PPP1R15A: variants seen among roughly 807,000 people sequenced by gnomAD.
PPP1R15A encodes protein phosphatase 1 regulatory subunit 15A.
PPP1R15A carries 43 observed loss-of-function variants against 48.5 expected under a neutral mutation model. That is an observed-to-expected ratio of 0.89 (90% CI 0.69 to 1.14). The LOEUF is 1.14. Ranked by LOEUF, PPP1R15A falls within the 50% of genes most tolerant of loss-of-function variation. The pLI is 0.00. For synonymous variants in PPP1R15A, 327 were observed against 327.4 expected, an observed-to-expected ratio of 1.00 and a Z score of 0.01; for missense variants, 868 against 847.2, an observed-to-expected ratio of 1.02 and a Z score of -0.30.
Position 48,875,738 on chromosome 19 carries a change from C to T in PPP1R15A, c.1790C>T (p.Thr597Ile), listed in dbSNP as rs1457838135. ...RDRSRFARRI[T>I]QAQEELSPCL... ...CGCAGCCGCTTCGCACGCCGCATCA[C>T]CCAGGCCCAGGAGGAGCTGAGCCCC... Residue 597 changes from threonine (T) to isoleucine (I), a missense_variant, in exon 3 of 3, where the codon ACC becomes ATC. Coordinates refer to ENST00000200453, the MANE Select transcript of PPP1R15A (RefSeq NM_014330.5). 6.2e-7 allele frequency: 1 copy of T among 1,613,398 alleles called. No individual in the cohort carries two copies. The highest frequency in any genetic ancestry group is 8.5e-7 in the Non-Finnish European group (1 of 1,179,542).
In PPP1R15A at chr19:48,873,802, TGGA is replaced by T; in HGVS notation, c.579_581del (p.Glu193del). ...TCACACCGGGAGTGTTGTCCAGCCG[TGGA>T]GGAGGAGGACGATGAAGAAGCTGTA... On this transcript the variant is annotated inframe_deletion, in exon 2 of 3. Coordinates refer to ENST00000200453, the MANE Select transcript of PPP1R15A (RefSeq NM_014330.5). 6.2e-7 allele frequency: 1 copy of T among 1,613,708 alleles called. No homozygotes were observed. The highest frequency in any genetic ancestry group is 8.5e-7 in the Non-Finnish European group (1 of 1,179,922).
intron 2 of PPP1R15A, 83 bp from the exon 3 acceptor site, chr19:48,875,531 C>G (rs1181669344): frequency 8.1e-7 from 1 of 1,232,990 alleles, no homozygotes; most frequent in Non-Finnish European, 1.1e-6. Flanking sequence ...TTGTTTGCTT[C>G]TCTCTCTCTC....
Position 48,875,735 on chromosome 19 carries a change from T to C in PPP1R15A, c.1787T>C (p.Ile596Thr). 1.2e-6 allele frequency: 2 copies of C among 1,613,278 alleles called. No individual in the cohort carries two copies. The highest frequency in any genetic ancestry group is 8.5e-7 in the Non-Finnish European group (1 of 1,179,542). ...ARDRSRFARRITQAQEELSPC... is the reference protein window; with the variant it reads ...ARDRSRFARRTTQAQEELSPC... ...GATCGCAGCCGCTTCGCACGCCGCATCACCCAGGCCCAGGAGGAGCTGAGC... is the reference window on the plus strand; with the variant it reads ...GATCGCAGCCGCTTCGCACGCCGCACCACCCAGGCCCAGGAGGAGCTGAGC... The change falls in exon 3 of 3, where the codon ATC (isoleucine) becomes ACC (threonine). Residue 596 changes from isoleucine to threonine, a missense_variant. Transcript: ENST00000200453.
Position 48,875,775 on chromosome 19 carries a change from T to G in PPP1R15A, c.1827T>G (p.Pro609=), listed in dbSNP as rs2037076235. The G allele has an allele frequency of 1.2e-6, 2 of 1,613,830 alleles. No individual in the cohort carries two copies. The highest frequency in any genetic ancestry group is 2.7e-5 in the African/African-American group (2 of 75,046). Residue 609 remains proline, a synonymous_variant, in exon 3 of 3, where the codon CCT becomes CCG. Coordinates refer to ENST00000200453, the MANE Select transcript of PPP1R15A (RefSeq NM_014330.5). ...AGGAGCTGAGCCCCTGCCTCACCCC[T>G]GCTGCCCGGGCCAGAGCCTGGGCAC... is the stretch of plus-strand genomic sequence containing the variant. ...AQEELSPCLT[P]AARARAWARL... is the part of the protein sequence containing the mutation.
In PPP1R15A at chr19:48,874,050, G is replaced by A; in HGVS notation, c.817G>A (p.Glu273Lys). The stretch of plus-strand genomic sequence containing the variant: ...AGGAGAGGCGTCCGAGGAGAAGGAG[G>A]AAAAGGCACACAAAGAAACTGGGAA... ...RSGEASEEKE[E>K]KAHKETGKGE... is the part of the protein sequence containing the mutation. The change falls in exon 2 of 3, where the codon GAA becomes AAA. Residue 273 changes from glutamate (E) to lysine (K), a missense_variant. Glu to Lys is a moderately conservative substitution (Grantham distance 56). Transcript: ENST00000200453. 1 of 1,614,212 alleles carries A rather than the reference G, an allele frequency of 6.2e-7. No homozygotes were observed. The highest frequency in any genetic ancestry group is 8.5e-7 in the Non-Finnish European group (1 of 1,180,032).
Position 48,874,509 on chromosome 19 carries a change from A to G in PPP1R15A, c.1276A>G (p.Ser426Gly). The change falls in exon 2 of 3, where the codon AGT (serine) becomes GGT (glycine). Residue 426 changes from serine to glycine, a missense_variant. Coordinates refer to ENST00000200453, the MANE Select transcript of PPP1R15A (RefSeq NM_014330.5). ...GACTTCTGCTTCCACACCCCCTGCAAGTGCTTTCTTGAAGGCCTGGGTGTA... is the reference window on the plus strand; with the variant it reads ...GACTTCTGCTTCCACACCCCCTGCAGGTGCTTTCTTGAAGGCCTGGGTGTA... ...AETSASTPPA[S>G]AFLKAWVYRP... 1.2e-6 allele frequency: 2 copies of G among 1,613,582 alleles called. No individual in the cohort carries two copies. The highest frequency in any genetic ancestry group is 1.7e-6 in the Non-Finnish European group (2 of 1,179,832).
rs2037056410 is a variant in PPP1R15A, at chr19:48,874,629, T to C, written c.1396T>C (p.Ser466Pro). The C allele has an allele frequency of 6.2e-7, 1 of 1,613,576 alleles. No homozygotes were observed. The highest frequency in any genetic ancestry group is 8.5e-7 in the Non-Finnish European group (1 of 1,179,796). The change falls in exon 2 of 3, where the codon TCA becomes CCA. Residue 466 changes from serine (S) to proline (P), a missense_variant. Physicochemically the swap from Ser to Pro is moderately conservative, Grantham distance 74. Transcript: ENST00000200453. ...AGAAGCAGCCTTGGGAGAAGCTGAG[T>C]CAGACCCACATCCCTCCCACCCGGA... ...DSEAALGEAE[S>P]DPHPSHPDQR...
Position 48,872,749 on chromosome 19 carries a change from A to C in PPP1R15A, c.-10+98A>C, listed in dbSNP as rs56697799. 1,993 of 289,968 alleles carry C rather than the reference A, an allele frequency of 6.9e-3. 32 individuals are homozygous for C. The highest frequency in any genetic ancestry group is 0.041 in the African/African-American group (1,859 of 45,190). 18.0% of individuals were successfully genotyped at this position (289,968 alleles called of 1,614,324 possible). A position where few individuals can be genotyped will look rare whatever the true frequency, so the allele number is the denominator to read the frequency against. On this transcript the variant is annotated intron_variant, in intron 1 of 2. Transcript: ENST00000200453. ...GAGCCTGGAGTCCTGAGCCTGAGGG[A>C]GGAGGGATCTGGAAGCCAGATTCTT...
rs147687948 is a variant in PPP1R15A, at chr19:48,874,492, C to A, written c.1259C>A (p.Ala420Asp). 1.5e-5 allele frequency: 24 copies of A among 1,613,732 alleles called. No individual in the cohort carries two copies. The South Asian group carries it at 2.4e-4, about 16-fold the overall frequency. ...GATGAAAGAGAAGCTGAGACTTCTGCTTCCACACCCCCTGCAAGTGCTTTC... is the reference window on the plus strand; with the variant it reads ...GATGAAAGAGAAGCTGAGACTTCTGATTCCACACCCCCTGCAAGTGCTTTC... ...AEDEREAETS[A>D]STPPASAFLK... is the part of the protein sequence containing the mutation. The change falls in exon 2 of 3, where the codon GCT becomes GAT. Residue 420 changes from alanine to aspartate, a missense_variant. Coordinates refer to ENST00000200453, the MANE Select transcript of PPP1R15A (RefSeq NM_014330.5).
At chr19:48,875,260 A>ACG in intron 2 of PPP1R15A, 1 of 330,776 alleles carries the variant, frequency 3.0e-6, no homozygotes, top group Non-Finnish European at 5.5e-6. Flanking sequence ...TCTTAGAAAG[A>ACG]AAGGGGGCTG....
At chr19:48,873,159 T>C (rs1408715956) in intron 1 of PPP1R15A, 66 bp from the exon 2 acceptor site, 2 of 1,419,974 alleles carry the variant, frequency 1.4e-6, no homozygotes, top group Non-Finnish European at 1.8e-6. Flanking sequence ...CTATGACTCA[T>C]AGTCACGCCC....
intron 1 of PPP1R15A, among the ~76,000 whole-genome samples, chr19:48,872,875 G>A (rs1340964644): frequency 6.6e-6 from 1 of 152,178 alleles, no homozygotes; most frequent in South Asian, 2.1e-4. Context: ...TCAATCTTCA[G>A]CAGAATGAGA....
In PPP1R15A at chr19:48,874,086, GC is replaced by G; in HGVS notation, c.857del (p.Pro286GlnfsTer54). 6.2e-7 allele frequency: 1 copy of G among 1,614,182 alleles called. No individual in the cohort carries two copies. Among genetic ancestry groups the G allele is most frequent in the Non-Finnish European group, 8.5e-7 (1 of 1,180,024 alleles). On this transcript the variant is annotated frameshift_variant, in exon 2 of 3. Coordinates refer to ENST00000200453, the MANE Select transcript of PPP1R15A (RefSeq NM_014330.5). LOFTEE classifies it high-confidence loss of function. ...AHKETGKGEA[A>X]PGPQSSAPAQ... The stretch of plus-strand genomic sequence containing the variant: ...CAAAGAAACTGGGAAAGGAGAAGCT[GC>G]CCCAGGGCCGCAATCCTCAGCCCCA...
rs752039069 is a variant in PPP1R15A, at chr19:48,874,040, G to A, written c.807G>A (p.Glu269=). 8.1e-6 allele frequency: 13 copies of A among 1,613,970 alleles called. No homozygotes were observed. In the Admixed American group the frequency reaches 2.2e-4, roughly 27 times the overall value. ...AGTATCGTTCAGGAGAGGCGTCCGA[G>A]GAGAAGGAGGAAAAGGCACACAAAG... ...SWEYRSGEAS[E]EKEEKAHKET... Residue 269 remains glutamate, a synonymous_variant, in exon 2 of 3, where the codon GAG becomes GAA. Transcript: ENST00000200453.
In PPP1R15A at chr19:48,874,318, GTGACTCTGGATCAGAT is replaced by G; in HGVS notation, c.1086_1101del (p.Ser362ArgfsTer20). 2 of 1,611,990 alleles carry G rather than the reference GTGACTCTGGATCAGAT, an allele frequency of 1.2e-6. No individual in the cohort carries two copies. Among genetic ancestry groups the G allele is most frequent in the South Asian group, 2.2e-5 (2 of 90,994 alleles). On this transcript the variant is annotated frameshift_variant, in exon 2 of 3. Transcript: ENST00000200453. LOFTEE classifies it high-confidence loss of function. The stretch of plus-strand genomic sequence containing the variant: ...GAAGATGAGGAAGAAGATGAGGACA[GTGACTCTGGATCAGAT>G]GAGGAAGAGGGAGAAGCTGAGGCTT...
Position 48,874,917 on chromosome 19 carries a change from G to A in PPP1R15A, c.1665+19G>A. On this transcript the variant is annotated intron_variant, in intron 2 of 2. Transcript: ENST00000200453. ...CAGAAAGGTAGGTGCTGAGAGCCCA[G>A]ATTCTATTTTTTTTTTTTTTTTAAT... 1.3e-6 allele frequency: 2 copies of A among 1,487,232 alleles called. No homozygotes were observed. Among genetic ancestry groups the A allele is most frequent in the African/African-American group, 2.8e-5 (2 of 70,878 alleles). The allele number at this position is 1,487,232 out of a possible 1,614,324, so 92.1% of individuals were successfully genotyped here.
At position 48,875,921 on chromosome 19, in the gene PPP1R15A, G is replaced by T; in HGVS notation, c.1973G>T (p.Arg658Leu). 1.2e-6 allele frequency: 2 copies of T among 1,611,792 alleles called. No homozygotes were observed. The highest frequency in any genetic ancestry group is 1.7e-6 in the Non-Finnish European group (2 of 1,178,212). ...AGCCAAGCTGTGGCCACACCTTCCC[G>T]CTCGTCTGCTGCTGCAGCGGCTGCC... ...PLSQAVATPS[R>L]SSAAAAAALD... Residue 658 changes from arginine (R) to leucine (L), a missense_variant, in exon 3 of 3, where the codon CGC (arginine) becomes CTC (leucine). By Grantham distance (102) the Arg-to-Leu change is moderately radical (BLOSUM62 -2). Transcript: ENST00000200453.
chr19:48,875,853 T>A lies in PPP1R15A; in HGVS notation c.1905T>A (p.Pro635=). The change falls in exon 3 of 3, where the codon CCT becomes CCA. Residue 635 remains proline (P), a synonymous_variant. Coordinates refer to ENST00000200453, the MANE Select transcript of PPP1R15A (RefSeq NM_014330.5). ...TCCCTGCCCTCACCCAGACCTTGCCTTCCTCCTCTGTCCCTTCGTCCCCAG... is the reference window on the plus strand; with the variant it reads ...TCCCTGCCCTCACCCAGACCTTGCCATCCTCCTCTGTCCCTTCGTCCCCAG... ...APIPALTQTL[P]SSSVPSSPVQ... 6.2e-7 allele frequency: 1 copy of A among 1,614,094 alleles called. No homozygotes were observed. The highest frequency in any genetic ancestry group is 8.5e-7 in the Non-Finnish European group (1 of 1,179,962).
Position 48,875,609 on chromosome 19 carries a change from C to A in PPP1R15A, c.1666-5C>A. The A allele has an allele frequency of 1.3e-6, 2 of 1,584,330 alleles. No individual in the cohort carries two copies. The highest frequency in any genetic ancestry group is 1.7e-6 in the Non-Finnish European group (2 of 1,163,852). ...TCCTGCCTGTGTCCCCATGTCTGCC[C>A]GCAGGTGCGCTTCTCCGAGAAGGTC... On this transcript the variant is annotated splice_region_variant and splice_polypyrimidine_tract_variant and intron_variant, in intron 2 of 2. Coordinates refer to ENST00000200453, the MANE Select transcript of PPP1R15A (RefSeq NM_014330.5).
Sources: allele counts gnomAD v4.1 joint callset (sites outside exome capture counted in the v4.1 genomes callset), GRCh38; gene constraint gnomAD v4.1.1; transcripts MANE v1.5; gene names NCBI Gene and HGNC (gene_info 2026-07-23, HGNC 2026-07-21).